The following GALNTL6 variants were observed in gnomAD, a reference collection of about 807,000 sequenced individuals.
The protein encoded by GALNTL6 is polypeptide N-acetylgalactosaminyltransferase-like 6.
A neutral mutation model predicts 73.7 loss-of-function variants in GALNTL6; 46 were observed. The ratio of observed to expected loss-of-function variants is 0.62; its 90% CI spans 0.49 to 0.80. GALNTL6 has a LOEUF of 0.80. Ranked by LOEUF, GALNTL6 falls within the 30% of genes least tolerant of loss-of-function variation. The pLI, the probability that GALNTL6 is intolerant of heterozygous loss-of-function variation, is 0.00. For synonymous variants in GALNTL6, 259 were observed against 263.7 expected, an observed-to-expected ratio of 0.98 and a Z score of 0.17; for missense variants, 604 against 755.0, an observed-to-expected ratio of 0.80 and a Z score of 2.34.
At chr4:172,374,608 A>C (rs541905899) in intron 5 of GALNTL6, among the ~76,000 whole-genome samples, 2 of 152,272 alleles carry the variant, frequency 1.3e-5, no homozygotes, top group South Asian at 4.1e-4. Context: ...CTTCTAGAAC[A>C]CAGGTCAACA....
chr4:173,022,433 C>A lies in GALNTL6; in HGVS notation c.1638+808C>A, dbSNP rs370931128. 1.9e-3 allele frequency among the ~76,000 whole-genome samples: 290 copies of A among 152,324 alleles called. 1 individual carries two copies. Among genetic ancestry groups the A allele is most frequent in the African/African-American group, 6.6e-3 (276 of 41,570 alleles). ...ATGGGTCTAGGTTTAACTCAGAACA[C>A]TCCCAAAAGGAGGAACCACATATCC... is the stretch of plus-strand genomic sequence containing the variant. On this transcript the variant is annotated intron_variant, in intron 12 of 12. Transcript: ENST00000506823.
At chr4:172,028,763 A>G (rs567902175) in intron 2 of GALNTL6, among the ~76,000 whole-genome samples, 5 of 152,024 alleles carry the variant, frequency 3.3e-5, no homozygotes, top group Admixed American at 6.6e-5. Flanking sequence ...TATATTTTTC[A>G]CTGATACCAC....
chr4:172,349,555 A>T (rs192158000), intron 5 of GALNTL6, among the ~76,000 whole-genome samples: 1 of 152,220 alleles, frequency 6.6e-6, no homozygotes, highest in Admixed American at 6.5e-5. Flanking sequence ...TTTTTTTCAT[A>T]GTATTCAAAA....
At chr4:171,927,515 G>C (rs1221431906) in intron 2 of GALNTL6, among the ~76,000 whole-genome samples, 1 of 151,730 alleles carries the variant, frequency 6.6e-6, no homozygotes, top group Non-Finnish European at 1.5e-5. Flanking sequence ...GTCTTCTATG[G>C]TTTCTCTGTT....
At chr4:172,328,042 T>A (rs1242848735) in intron 4 of GALNTL6, among the ~76,000 whole-genome samples, 1 of 152,146 alleles carries the variant, frequency 6.6e-6, no homozygotes, top group Non-Finnish European at 1.5e-5. Flanking sequence ...CTTTTCATAT[T>A]TAGTGCTCTT....
At chr4:171,990,024 G>T (rs1740288088) in intron 2 of GALNTL6, among the ~76,000 whole-genome samples, 1 of 152,172 alleles carries the variant, frequency 6.6e-6, no homozygotes, top group Non-Finnish European at 1.5e-5. Flanking sequence ...AGCTGGACCA[G>T]GTGTGAGGAG....
intron 2 of GALNTL6, among the ~76,000 whole-genome samples, chr4:172,214,721 G>A (rs985564385): frequency 2.6e-5 from 4 of 152,028 alleles, no homozygotes; most frequent in Non-Finnish European, 4.4e-5. Context: ...CACCATGTTG[G>A]TCAGGCTGGT....
chr4:172,595,505 CATAT>C (rs1737818160), intron 5 of GALNTL6, among the ~76,000 whole-genome samples: 1 of 152,082 alleles, frequency 6.6e-6, no homozygotes, highest in East Asian at 1.9e-4. Context: ...ACTTTCCACC[CATAT>C]ATTCCTCTAA....
At chr4:172,060,421 A>G (rs1731161248) in intron 2 of GALNTL6, among the ~76,000 whole-genome samples, 1 of 152,192 alleles carries the variant, frequency 6.6e-6, no homozygotes, top group African/African-American at 2.4e-5. Flanking sequence ...AAATAATTGT[A>G]TACTTTAATT....
intron 5 of GALNTL6, among the ~76,000 whole-genome samples, chr4:172,351,749 TTC>T (rs1480705976): frequency 2.0e-5 from 3 of 152,134 alleles, no homozygotes; most frequent in Non-Finnish European, 2.9e-5. Flanking sequence ...GATATAGGAA[TTC>T]TGTTGGATTC....
At chr4:172,583,109 A>C (rs1441736867) in intron 5 of GALNTL6, among the ~76,000 whole-genome samples, 1 of 151,530 alleles carries the variant, frequency 6.6e-6, no homozygotes, top group Non-Finnish European at 1.5e-5. Flanking sequence ...AGGACTTCCT[A>C]ACAAAACCTC....
chr4:171,994,727 GA>G (rs11438346), intron 2 of GALNTL6, among the ~76,000 whole-genome samples: 4 of 149,740 alleles, frequency 2.7e-5, no homozygotes, highest in African/African-American at 9.8e-5. Context: ...TACAAAATAT[GA>G]AAAAAAAAGA....
intron 12 of GALNTL6, among the ~76,000 whole-genome samples, chr4:173,034,023 C>T (rs951426562): frequency 6.6e-6 from 1 of 152,174 alleles, no homozygotes; most frequent in African/African-American, 2.4e-5. Flanking sequence ...CATTCCCACA[C>T]CAATCCTGTT....
At chr4:172,397,726 T>G (rs1743900350) in intron 5 of GALNTL6, among the ~76,000 whole-genome samples, 2 of 151,922 alleles carry the variant, frequency 1.3e-5, no homozygotes, top group Non-Finnish European at 2.9e-5. Flanking sequence ...GACAGGCATG[T>G]GTTACCACGC....
chr4:171,925,432 G>C lies in GALNTL6; in HGVS notation c.138+110714G>C, dbSNP rs191842555. On this transcript the variant is annotated intron_variant, in intron 2 of 12. Transcript: ENST00000506823. ...AGAAACTAGGAAGGAGAAGAGAGTG[G>C]AAAACCTCAGGGAACCGTAAGAACA... Among the ~76,000 whole-genome samples, 967 of 152,184 alleles carry C rather than the reference G, an allele frequency of 6.4e-3. 12 individuals carry two copies. The highest frequency in any genetic ancestry group is 0.023 in the African/African-American group (936 of 41,510).
intron 2 of GALNTL6, among the ~76,000 whole-genome samples, chr4:171,863,367 G>A (rs928905699): frequency 6.6e-6 from 1 of 152,116 alleles, no homozygotes; most frequent in African/African-American, 2.4e-5. Context: ...ATTTCATATG[G>A]AGAGACTAGA....
intron 5 of GALNTL6, among the ~76,000 whole-genome samples, chr4:172,612,988 C>G (rs1029012953): frequency 1.1e-4 from 16 of 152,048 alleles, no homozygotes; most frequent in Admixed American, 9.9e-4. Flanking sequence ...TAACATTACC[C>G]CTCTCCCTGC....
Position 172,745,446 on chromosome 4 carries a change from T to TATATATATATATATATACACAC in GALNTL6, c.554-63914_554-63913insTATATATATATATATACACACA, listed in dbSNP as rs34523518. On this transcript the variant is annotated intron_variant, in intron 5 of 12. Transcript: ENST00000506823. The stretch of plus-strand genomic sequence containing the variant: ...TTTTCAAAACATATATATATATATG[T>TATATATATATATATATACACAC]ACACATAACTTTTATAATTAGAAAA... Among the ~76,000 whole-genome samples the TATATATATATATATATACACAC allele has an allele frequency of 3.6e-4, 52 of 145,316 alleles. 1 individual carries two copies. The highest frequency in any genetic ancestry group is 3.5e-3 in the Middle Eastern group (1 of 284).
intron 3 of GALNTL6, among the ~76,000 whole-genome samples, chr4:172,231,018 C>T (rs1737049093): frequency 6.7e-6 from 1 of 150,000 alleles, no homozygotes; most frequent in African/African-American, 2.5e-5. Context: ...CACGCCCCAC[C>T]CCCAGCTTTT....
Sources: allele counts gnomAD v4.1 joint callset (sites outside exome capture counted in the v4.1 genomes callset), GRCh38; gene constraint gnomAD v4.1.1; transcripts MANE v1.5; gene names NCBI Gene and HGNC (gene_info 2026-07-23, HGNC 2026-07-21).